Variants in CACNA1E observed in about 807,000 individuals in gnomAD.
CACNA1E encodes calcium voltage-gated channel subunit alpha1 E.
In CACNA1E, 40 loss-of-function variants were observed where a neutral mutation model predicts 259.2. The ratio of observed to expected loss-of-function variants is 0.15; its 90% CI spans 0.12 to 0.20. CACNA1E has a LOEUF of 0.20. Among genes scored for constraint, CACNA1E ranks in the 10% least tolerant of loss-of-function variants. The pLI is 1.00. For synonymous variants in CACNA1E, 1,104 were observed against 1,138.5 expected, an observed-to-expected ratio of 0.97 and a Z score of 0.61; for missense variants, 1,874 against 3,040.1, an observed-to-expected ratio of 0.62 and a Z score of 9.02.
At position 181,760,140 on chromosome 1, in the gene CACNA1E, A is replaced by G. The variant is rs549683853; in HGVS notation, c.4605+1272A>G. 2.1e-4 allele frequency among the ~76,000 whole-genome samples: 32 copies of G among 152,306 alleles called. No individual in the cohort carries two copies. In the South Asian group the frequency reaches 6.4e-3, roughly 31 times the overall value. On this transcript the variant is annotated intron_variant, in intron 32 of 47. Coordinates refer to ENST00000367573, the MANE Select transcript of CACNA1E (RefSeq NM_001205293.3). ...TTTTCTATGCATGTTGATTACTTGT[A>G]TGTGGTATTGACATTGTCTGTGACT... is the stretch of plus-strand genomic sequence containing the variant.
At chr1:181,787,664 G>A (rs568666998) in intron 43 of CACNA1E, among the ~76,000 whole-genome samples, 1 of 152,274 alleles carries the variant, frequency 6.6e-6, no homozygotes, top group South Asian at 2.1e-4. Flanking sequence ...AATTACAAGA[G>A]CAATACAGGC....
At chr1:181,782,345 A>G (rs1660497888) in intron 39 of CACNA1E, among the ~76,000 whole-genome samples, 1 of 152,236 alleles carries the variant, frequency 6.6e-6, no homozygotes, top group African/African-American at 2.4e-5. Context: ...TGGGGTGCTC[A>G]TAGCTTTTGG....
upstream of CACNA1E, among the ~76,000 whole-genome samples, chr1:181,479,542 A>G (rs1181264503): frequency 6.6e-6 from 1 of 152,210 alleles, no homozygotes; most frequent in Non-Finnish European, 1.5e-5. Context: ...AGAAATTCCC[A>G]TATGAAGTCA....
intron 2 of CACNA1E, among the ~76,000 whole-genome samples, chr1:181,474,129 G>A (rs897535760): frequency 3.6e-5 from 4 of 111,786 alleles, no homozygotes; most frequent in Admixed American, 9.2e-5. Context: ...TATGAAAATA[G>A]AGATTATTTA....
intron 1 of CACNA1E, among the ~76,000 whole-genome samples, chr1:181,350,126 G>A (rs1652915618): frequency 6.6e-6 from 1 of 152,168 alleles, no homozygotes; most frequent in Non-Finnish European, 1.5e-5. Context: ...GGAGCCTGAT[G>A]CTCTCAGCAA....
At chr1:181,500,870 T>G (rs779562012) in intron 1 of CACNA1E, among the ~76,000 whole-genome samples, 9 of 152,180 alleles carry the variant, frequency 5.9e-5, no homozygotes, top group Non-Finnish European at 1.0e-4. Flanking sequence ...CACAAAAGGC[T>G]TTTCATTTTT....
Position 181,732,880 on chromosome 1 carries a change from G to A in CACNA1E, c.2794G>A (p.Glu932Lys), listed in dbSNP as rs772510450. The A allele has an allele frequency of 3.1e-6, 5 of 1,613,894 alleles. No homozygotes were observed. The highest frequency in any genetic ancestry group is 4.2e-6 in the Non-Finnish European group (5 of 1,179,900). Reference sequence around the variant, plus strand: ...TCGCCGCGTCAGGACAGAAGGCAAGGAGTCCTCTTCAGCCTCCCGGAGCAG... The same window carrying A: ...TCGCCGCGTCAGGACAGAAGGCAAGAAGTCCTCTTCAGCCTCCCGGAGCAG... ...RHRRVRTEGK[E>K]SSSASRSRSA... Residue 932 changes from glutamate (E) to lysine (K), a missense_variant, in exon 20 of 48, where the codon GAG (glutamate) becomes AAG (lysine). Coordinates refer to ENST00000367573, the MANE Select transcript of CACNA1E (RefSeq NM_001205293.3). The surrounding 1 kb of genome is among the most constrained non-coding windows in gnomAD (Gnocchi z 5.5).
chr1:181,351,584 G>T (rs1400579491), intron 1 of CACNA1E, among the ~76,000 whole-genome samples: 1 of 152,194 alleles, frequency 6.6e-6, no homozygotes, highest in Non-Finnish European at 1.5e-5. Flanking sequence ...TCACTGGGCT[G>T]AAGTCAAGGT....
intron 1 of CACNA1E, among the ~76,000 whole-genome samples, chr1:181,331,621 G>C (rs764154709): frequency 6.6e-6 from 1 of 152,132 alleles, no homozygotes; most frequent in East Asian, 1.9e-4. Flanking sequence ...TGGAAACACC[G>C]TTAAGACACA....
Position 181,807,774 on chromosome 1 carries a change from G to A in CACNA1E, c.*8940G>A, listed in dbSNP as rs1272321456. 2 of 151,974 alleles carry A rather than the reference G, an allele frequency of 1.3e-5. No individual in the cohort carries two copies. The highest frequency in any genetic ancestry group is 4.8e-5 in the African/African-American group (2 of 41,362). 9.4% of individuals were successfully genotyped at this position (151,974 alleles called of 1,614,324 possible). On this transcript the variant is annotated 3_prime_UTR_variant, in exon 48 of 48. Coordinates refer to ENST00000367573, the MANE Select transcript of CACNA1E (RefSeq NM_001205293.3). Reference sequence around the variant, plus strand: ...AATGTGATATGTGGTCATCTCTCAGGGAGGTCTAGGTCCTTGCAGGCTGGA... The same window carrying A: ...AATGTGATATGTGGTCATCTCTCAGAGAGGTCTAGGTCCTTGCAGGCTGGA...
intron 1 of CACNA1E, among the ~76,000 whole-genome samples, chr1:181,412,776 C>T (rs1489188816): frequency 6.6e-6 from 1 of 152,208 alleles, no homozygotes; most frequent in Non-Finnish European, 1.5e-5. Context: ...CTTATTGCAG[C>T]ACCTCTAAAC....
intron 7 of CACNA1E, among the ~76,000 whole-genome samples, chr1:181,664,592 G>C (rs762913021): frequency 6.6e-6 from 1 of 152,098 alleles, no homozygotes; most frequent in Non-Finnish European, 1.5e-5. Flanking sequence ...GGGGAAAAAG[G>C]CTCTGATTTT....
intron 1 of CACNA1E, among the ~76,000 whole-genome samples, chr1:181,484,401 G>C (rs1243195489): frequency 6.6e-6 from 1 of 152,022 alleles, no homozygotes; most frequent in Admixed American, 6.6e-5. Flanking sequence ...CTTTAAGCCA[G>C]CCACTCTGCC....
At position 181,732,587 on chromosome 1, in the gene CACNA1E, AGGGCCTGGCCCTGGGCCT is replaced by A. The variant is rs2102550440; in HGVS notation, c.2504_2521del (p.Gly835_Leu840del). 6.6e-7 allele frequency: 1 copy of A among 1,517,936 alleles called. No homozygotes were observed. Among genetic ancestry groups the A allele is most frequent in the Middle Eastern group, 1.7e-4 (1 of 5,770 alleles). The allele number at this position is 1,517,936 out of a possible 1,614,324, so 94.0% of individuals were successfully genotyped here. ...CTTTATCGGCGACCCAGGGCCATTG[AGGGCCTGGCCCTGGGCCT>A]GGCCCTGGAGAAGTTCGAGGAGGAG... On this transcript the variant is annotated inframe_deletion, in exon 20 of 48. Transcript: ENST00000367573. The surrounding 1 kb of genome is among the most constrained non-coding windows in gnomAD (Gnocchi z 5.5).
chr1:181,783,097 C>T (rs1188896948), intron 39 of CACNA1E, among the ~76,000 whole-genome samples: 1 of 152,164 alleles, frequency 6.6e-6, no homozygotes, highest in Non-Finnish European at 1.5e-5. Flanking sequence ...CCTGCTCCAC[C>T]TCATCCTTTA....
chr1:181,542,337 T>C (rs557222245), intron 3 of CACNA1E, among the ~76,000 whole-genome samples: 30 of 152,346 alleles, frequency 2.0e-4, no homozygotes, highest in African/African-American at 7.0e-4. Context: ...CAAAAAACTT[T>C]GTAAAGAACT....
intron 32 of CACNA1E, among the ~76,000 whole-genome samples, chr1:181,761,636 T>C (rs1475178017): frequency 1.3e-5 from 2 of 152,250 alleles, no homozygotes; most frequent in African/African-American, 2.4e-5. Flanking sequence ...TCTGAATTTC[T>C]TTATTCTGTT....
At position 181,510,352 on chromosome 1, in the gene CACNA1E, A is replaced by C. The variant is rs149824190; in HGVS notation, c.267-125A>C. 3.1e-3 allele frequency: 2,152 copies of C among 694,314 alleles called. 23 individuals carry two copies. The highest frequency in any genetic ancestry group is 0.03 in the African/African-American group (1,722 of 56,966). The allele number at this position is 694,314 out of a possible 1,614,324, so 43.0% of individuals were successfully genotyped here. On this transcript the variant is annotated intron_variant, in intron 1 of 47. Coordinates refer to ENST00000367573, the MANE Select transcript of CACNA1E (RefSeq NM_001205293.3). ...CTGTCTTGCCTGCCTGCCTGTTTAC[A>C]AATAAAAATCATGCAAACTGCACAG...
chr1:181,482,753 CA>C (rs1663391898), upstream of CACNA1E, among the ~76,000 whole-genome samples: 2 of 152,276 alleles, frequency 1.3e-5, no homozygotes, highest in African/African-American at 4.8e-5. Flanking sequence ...GGTCTGTGGA[CA>C]AGTGTGGTGC....
Sources: gnomAD v4.1 joint callset for allele counts (sites outside exome capture counted in the v4.1 genomes callset) on GRCh38, gnomAD v4.1.1 for gene constraint, Gnocchi (gnomAD v3.1) non-coding constraint, MANE v1.5 for transcripts, NCBI Gene and HGNC (gene_info 2026-07-23, HGNC 2026-07-21) for gene names.